The following GATA6 variants were observed in gnomAD, a reference collection of about 807,000 sequenced individuals.
The protein encoded by GATA6 is transcription factor GATA-6.
Under a neutral mutation model 48.1 loss-of-function variants are expected in GATA6, and 11 were observed. That is an observed-to-expected ratio of 0.23 (90% CI 0.14 to 0.38). The LOEUF (loss-of-function observed/expected upper bound fraction) is 0.38, where lower values mean the gene tolerates loss of function less well. Among genes scored for constraint, GATA6 ranks in the 10% least tolerant of loss-of-function variants. The pLI, the probability that GATA6 is intolerant of heterozygous loss-of-function variation, is 1.00. For synonymous variants in GATA6, 419 were observed against 396.1 expected (o/e 1.06, Z -0.69); for missense variants, 795 against 850.3 (o/e 0.93, Z 0.81).
intron 6 of GATA6, among the ~76,000 whole-genome samples, chr18:22,197,318 C>G (rs1160968228): frequency 2.6e-5 from 4 of 152,102 alleles, no homozygotes; most frequent in Admixed American, 2.6e-4. Flanking sequence ...CTCTAAAGTG[C>G]AGGGATTGCA....
rs1686081295 is a variant in GATA6 at position 22,202,033 on chromosome 18, A to G, written c.*1210A>G. ...CTTTCTTTTTATGCTGTATGTGACTATAGATATTCATATAAAACAAGTGCA... is the reference window on the plus strand; with the variant it reads ...CTTTCTTTTTATGCTGTATGTGACTGTAGATATTCATATAAAACAAGTGCA... On this transcript the variant is annotated 3_prime_UTR_variant, in exon 7 of 7. Transcript: ENST00000269216. 1 of 152,242 alleles carries G rather than the reference A, an allele frequency of 6.6e-6. No individual in the cohort carries two copies. The highest frequency in any genetic ancestry group is 2.4e-5 in the African/African-American group (1 of 41,550). 9.4% of individuals were successfully genotyped at this position (152,242 alleles called of 1,614,324 possible).
chr18:22,170,948 C>T lies in GATA6; in HGVS notation c.-37-160C>T, dbSNP rs2033025989. 4.9e-6 allele frequency: 3 copies of T among 612,588 alleles called. No individual in the cohort carries two copies. Among genetic ancestry groups the T allele is most frequent in the Non-Finnish European group, 5.8e-6 (2 of 343,878 alleles). 37.9% of individuals were successfully genotyped at this position (612,588 alleles called of 1,614,324 possible). ...CCCCTCCCTTATTGATCTCCACGCC[C>T]GGGGCAGAAATAGGATCTTTGAGAA... is the stretch of plus-strand genomic sequence containing the variant. On this transcript the variant is annotated intron_variant, in intron 1 of 6. Transcript: ENST00000269216. The surrounding 1 kb of genome is among the most constrained non-coding windows in gnomAD (Gnocchi z 6.7).
At position 22,172,389 on chromosome 18, in the gene GATA6, G is replaced by C. The variant is rs1455100857; in HGVS notation, c.1135+110G>C. On this transcript the variant is annotated intron_variant, in intron 2 of 6. Coordinates refer to ENST00000269216, the MANE Select transcript of GATA6 (RefSeq NM_005257.6). This position sits in a 1 kb window ranked among gnomAD's most constrained non-coding sequence, Gnocchi z 5.2. ...CTGTTTTCAGGACTTTCTCGTCCGG[G>C]TGCGCGGAGGTCGGCCTGGTCCCAG... 6.9e-7 allele frequency: 1 copy of C among 1,456,064 alleles called. No homozygotes were observed. Among genetic ancestry groups the C allele is most frequent in the African/African-American group, 1.4e-5 (1 of 70,264 alleles). The allele number at this position is 1,456,064 out of a possible 1,614,324, so 90.2% of individuals were successfully genotyped here.
At chr18:22,175,223 G>A (rs770279687) in intron 2 of GATA6, among the ~76,000 whole-genome samples, 1 of 152,140 alleles carries the variant, frequency 6.6e-6, no homozygotes. Flanking sequence ...GAATGAGAGA[G>A]ATTTTATTCA....
chr18:22,179,449 A>G (rs1051075913), intron 3 of GATA6, among the ~76,000 whole-genome samples: 1 of 152,212 alleles, frequency 6.6e-6, no homozygotes, highest in Non-Finnish European at 1.5e-5. Context: ...TGCATTTCAC[A>G]TGTTTATGAG....
chr18:22,190,411 G>T (rs904839607), intron 6 of GATA6, among the ~76,000 whole-genome samples: 1 of 152,038 alleles, frequency 6.6e-6, no homozygotes, highest in African/African-American at 2.4e-5. Flanking sequence ...ACAAACAAAT[G>T]CTGTTTTGGA....
intron 6 of GATA6, among the ~76,000 whole-genome samples, chr18:22,192,637 GTT>G (rs2033341256): frequency 6.6e-6 from 1 of 151,974 alleles, no homozygotes; most frequent in Non-Finnish European, 1.5e-5. Flanking sequence ...TGAAAAGTCA[GTT>G]TTGTTATAAA....
At position 22,170,369 on chromosome 18, in the gene GATA6, C is replaced by T. The variant is rs975724898; in HGVS notation, c.-38+687C>T. 1.1e-4 allele frequency among the ~76,000 whole-genome samples: 17 copies of T among 152,328 alleles called. No homozygotes were observed. Among genetic ancestry groups the T allele is most frequent in the Non-Finnish European group, 2.1e-4 (14 of 68,022 alleles). ...GGGCCGTGTCTAAGGTGTGCGGCGC[C>T]GCGGGGACGCCGGTGGGGCTGGCGA... On this transcript the variant is annotated intron_variant, in intron 1 of 6. Coordinates refer to ENST00000269216, the MANE Select transcript of GATA6 (RefSeq NM_005257.6). This position sits in a 1 kb window ranked among gnomAD's most constrained non-coding sequence, Gnocchi z 6.7.
rs1185015412 is a variant in GATA6 at position 22,171,230 on chromosome 18, C to A, written c.86C>A (p.Ala29Glu). 6.3e-7 allele frequency: 1 copy of A among 1,599,476 alleles called. No individual in the cohort carries two copies. The highest frequency in any genetic ancestry group is 8.5e-7 in the Non-Finnish European group (1 of 1,179,342). Residue 29 changes from alanine to glutamate, a missense_variant, in exon 2 of 7, where the codon GCG (alanine) becomes GAG (glutamate). Ala to Glu is a moderately radical substitution (Grantham distance 107). This residue lies in a region of GATA6 where 591 missense variants were observed against 570.0 expected (regional missense o/e 1.04). Coordinates refer to ENST00000269216, the MANE Select transcript of GATA6 (RefSeq NM_005257.6). The surrounding 1 kb of genome is among the most constrained non-coding windows in gnomAD (Gnocchi z 7.1). The part of the protein sequence containing the change: ...ADASDSRAFP[A>E]REPSTPPSPI... The stretch of plus-strand genomic sequence containing the variant: ...GCCAGCGACTCCAGAGCCTTTCCAG[C>A]GCGGGAGCCCTCCACGCCGCCTTCC...
At chr18:22,187,349 G>T (rs528460025) in intron 6 of GATA6, among the ~76,000 whole-genome samples, 4 of 151,898 alleles carry the variant, frequency 2.6e-5, no homozygotes, top group Admixed American at 2.0e-4. Context: ...GCACGGTGGC[G>T]CATGCCTGTA....
At chr18:22,176,508 C>G (rs1251381651) in intron 2 of GATA6, 1 of 154,478 alleles carries the variant, frequency 6.5e-6, no homozygotes, top group African/African-American at 2.4e-5. Context: ...CTCGCTGTGT[C>G]CCCGGATATT....
chr18:22,171,234 G>C lies in GATA6; in HGVS notation c.90G>C (p.Arg30=). ...DASDSRAFPA[R]EPSTPPSPIS... ...GCGACTCCAGAGCCTTTCCAGCGCG[G>C]GAGCCCTCCACGCCGCCTTCCCCCA... Residue 30 remains arginine (R), a synonymous_variant, in exon 2 of 7, where the codon CGG becomes CGC. Transcript: ENST00000269216. The surrounding 1 kb of genome is among the most constrained non-coding windows in gnomAD (Gnocchi z 7.1). The C allele has an allele frequency of 6.3e-7, 1 of 1,599,118 alleles. No individual in the cohort carries two copies. Among genetic ancestry groups the C allele is most frequent in the Non-Finnish European group, 8.5e-7 (1 of 1,179,200 alleles).
chr18:22,171,260 T>C lies in GATA6; in HGVS notation c.116T>C (p.Ile39Thr), dbSNP rs572030089. The C allele has an allele frequency of 4.4e-6, 7 of 1,597,964 alleles. No homozygotes were observed. In the South Asian group the frequency reaches 6.6e-5, roughly 15 times the overall value. ...AREPSTPPSP[I>T]SSSSSSCSRG... ...GAGCCCTCCACGCCGCCTTCCCCCA[T>C]CTCTTCCTCGTCCTCCTCCTGCTCC... The change falls in exon 2 of 7, where the codon ATC (isoleucine) becomes ACC (threonine). Residue 39 changes from isoleucine to threonine, a missense_variant. Coordinates refer to ENST00000269216, the MANE Select transcript of GATA6 (RefSeq NM_005257.6). This position sits in a 1 kb window ranked among gnomAD's most constrained non-coding sequence, Gnocchi z 7.1.
rs1049020592 is a variant in GATA6, at chr18:22,176,873, G to C, written c.1136-82G>C. 2.1e-6 allele frequency: 3 copies of C among 1,452,146 alleles called. No individual in the cohort carries two copies. The African/African-American group carries it at 4.4e-5, about 21-fold the overall frequency. 90.0% of individuals were successfully genotyped at this position (1,452,146 alleles called of 1,614,324 possible). A position where few individuals can be genotyped will look rare whatever the true frequency, so the allele number is the denominator to read the frequency against. ...GCAGGGAAGCCGGGCACCGGGGCTG[G>C]GGGCCGGGGTCCCCGGGGTGACGCG... is the stretch of plus-strand genomic sequence containing the variant. On this transcript the variant is annotated intron_variant, in intron 2 of 6. Transcript: ENST00000269216.
chr18:22,194,066 A>G (rs2033360208), intron 6 of GATA6, among the ~76,000 whole-genome samples: 1 of 146,816 alleles, frequency 6.8e-6, no homozygotes, highest in Admixed American at 6.7e-5. Flanking sequence ...AAGGCTCCTC[A>G]CAGGAAAAAA....
intron 2 of GATA6, chr18:22,176,679 C>T (rs1448987198): frequency 2.8e-5 from 11 of 389,270 alleles, no homozygotes; most frequent in Middle Eastern, 6.9e-4. Flanking sequence ...CCGCTCATCT[C>T]GGACTCTGAC....
chr18:22,187,976 C>T (rs1469619146), intron 6 of GATA6, among the ~76,000 whole-genome samples: 1 of 152,018 alleles, frequency 6.6e-6, no homozygotes, highest in Non-Finnish European at 1.5e-5. Flanking sequence ...GTGGCTCACG[C>T]CTGTAATCCC....
At chr18:22,192,037 GCT>G (rs1306916184) in intron 6 of GATA6, among the ~76,000 whole-genome samples, 1 of 152,184 alleles carries the variant, frequency 6.6e-6, no homozygotes, top group African/African-American at 2.4e-5. Flanking sequence ...TACATTTAAA[GCT>G]CTCATTAAAT....
intron 3 of GATA6, among the ~76,000 whole-genome samples, chr18:22,177,679 A>T (rs374181582): frequency 1.3e-5 from 2 of 152,276 alleles, no homozygotes; most frequent in East Asian, 3.9e-4. Flanking sequence ...AGAATATGCC[A>T]GAAATCCACC....
Sources: gnomAD v4.1 joint callset for allele counts (sites outside exome capture counted in the v4.1 genomes callset) on GRCh38, gnomAD v4.1.1 for gene constraint, gnomAD v4.1.1 regional missense constraint, Gnocchi (gnomAD v3.1) non-coding constraint, MANE v1.5 for transcripts, NCBI Gene and HGNC (gene_info 2026-07-23, HGNC 2026-07-21) for gene names.